AP4E1: variants seen among roughly 807,000 people sequenced by gnomAD.
AP4E1 encodes the protein adaptor related protein complex 4 subunit epsilon 1, also known as AP-4 complex subunit epsilon-1.
AP4E1 carries 56 observed loss-of-function variants against 128.2 expected under a neutral mutation model. The observed-to-expected ratio is 0.44, with a 90% CI of 0.35 to 0.55. AP4E1 has a LOEUF of 0.55. Among genes scored for constraint, AP4E1 ranks in the 20% least tolerant of loss-of-function variants. The probability of loss-of-function intolerance (pLI) is 0.00; values close to 1 mark genes in which losing one functional copy is unlikely to be tolerated. For missense variants in AP4E1, 1,324 were observed against 1,307.7 expected (o/e 1.01, Z -0.19); for synonymous variants, 484 against 473.1 (o/e 1.02, Z -0.30).
At position 50,968,381 on chromosome 15, in the gene AP4E1, A is replaced by G. The variant is rs1226512741; in HGVS notation, c.1966+4A>G. On this transcript the variant is annotated splice_donor_region_variant and intron_variant, in intron 15 of 20. Coordinates refer to ENST00000261842, the MANE Select transcript of AP4E1 (RefSeq NM_007347.5). ...GAAAAGCTTTCTCAGGAAAAAGGTAATTTTTCATGGATTTATGATAAGCTA... is the reference window on the plus strand; with the variant it reads ...GAAAAGCTTTCTCAGGAAAAAGGTAGTTTTTCATGGATTTATGATAAGCTA... 5 of 1,599,694 alleles carry G rather than the reference A, an allele frequency of 3.1e-6. No homozygotes were observed. In the African/African-American group the frequency reaches 6.7e-5, roughly 21 times the overall value.
Position 50,951,374 on chromosome 15 carries a change from G to A in AP4E1, c.1548+1205G>A, listed in dbSNP as rs148749622. Among the ~76,000 whole-genome samples, 3 of 152,300 alleles carry A rather than the reference G, an allele frequency of 2.0e-5. No individual in the cohort carries two copies. In the East Asian group the frequency reaches 5.8e-4, roughly 29 times the overall value. ...AGAGCTGCTTTCAGTTTCTTGCCAT[G>A]TGGCCTCCCAACAGGGCCGCCTGCT... On this transcript the variant is annotated intron_variant, in intron 13 of 20. Coordinates refer to ENST00000261842, the MANE Select transcript of AP4E1 (RefSeq NM_007347.5).
intron 15 of AP4E1, among the ~76,000 whole-genome samples, chr15:50,981,643 T>C (rs888840802): frequency 6.6e-6 from 1 of 152,188 alleles, no homozygotes; most frequent in African/African-American, 2.4e-5. Context: ...AATGCTATGG[T>C]GTGAATGTGT....
intron 3 of AP4E1, 137 bp from the exon 4 acceptor site, chr15:50,923,794 A>G: frequency 1.5e-6 from 1 of 680,302 alleles, no homozygotes; most frequent in Non-Finnish European, 2.6e-6. Context: ...AAGGTTTTTA[A>G]CCTTATATTT....
Position 51,001,168 on chromosome 15 carries a change from A to G in AP4E1, c.3238A>G (p.Ile1080Val), listed in dbSNP as rs767423538. The G allele has an allele frequency of 5.1e-5, 82 of 1,613,274 alleles. 2 individuals are homozygous for G. The South Asian group carries it at 8.2e-4, about 16-fold the overall frequency. ...TCTGCAACAGAAACTAAGACTCCAT[A>G]TTATTGAGATTATAGGTTTGTAGAG... ...KTLQQKLRLH[I>V]IEIIGNEGLL... Residue 1080 changes from isoleucine (I) to valine (V), a missense_variant, in exon 20 of 21, where the codon ATT (isoleucine) becomes GTT (valine). By Grantham distance (29) the Ile-to-Val change is conservative. Transcript: ENST00000261842.
At chr15:50,940,359 TCTTTC>T (rs2063968303) in intron 8 of AP4E1, among the ~76,000 whole-genome samples, 1 of 152,178 alleles carries the variant, frequency 6.6e-6, no homozygotes, top group South Asian at 2.1e-4. Context: ...TTTTGTCTTT[TCTTTC>T]CTTGTAAATT....
intron 16 of AP4E1, among the ~76,000 whole-genome samples, chr15:50,991,528 A>G (rs2064806596): frequency 6.6e-6 from 1 of 152,090 alleles, no homozygotes; most frequent in Non-Finnish European, 1.5e-5. Flanking sequence ...TTTTTGTCTA[A>G]GAGGTTTATT....
At chr15:50,967,095 C>G in intron 14 of AP4E1, among the ~76,000 whole-genome samples, 1 of 152,134 alleles carries the variant, frequency 6.6e-6, no homozygotes. Context: ...AAATTATTCT[C>G]CTAACGCTTT....
Position 51,003,866 on chromosome 15 carries a change from T to G in AP4E1, c.*1204T>G, listed in dbSNP as rs935892668. ...AGTTAATACTCTGGTTAATTGGTACTGTTAATCACCCAGGTCAGGAATTCT... is the reference window on the plus strand; with the variant it reads ...AGTTAATACTCTGGTTAATTGGTACGGTTAATCACCCAGGTCAGGAATTCT... On this transcript the variant is annotated 3_prime_UTR_variant, in exon 21 of 21. Coordinates refer to ENST00000261842, the MANE Select transcript of AP4E1 (RefSeq NM_007347.5). 13 of 152,650 alleles carry G rather than the reference T, an allele frequency of 8.5e-5. No individual in the cohort carries two copies. The highest frequency in any genetic ancestry group is 2.6e-4 in the Admixed American group (4 of 15,282). The allele number at this position is 152,650 out of a possible 1,614,324, so 9.5% of individuals were successfully genotyped here. A position where few individuals can be genotyped will look rare whatever the true frequency, so the allele number is the denominator to read the frequency against.
chr15:50,981,049 G>C (rs867769903), intron 15 of AP4E1, among the ~76,000 whole-genome samples: 6 of 152,292 alleles, frequency 3.9e-5, no homozygotes, highest in Middle Eastern at 3.4e-3. Flanking sequence ...ATCACAGAGA[G>C]TCCCCACCAG....
rs201935060 is a variant in AP4E1, at chr15:50,993,472, T to C, written c.2193T>C (p.Pro731=). 55 of 1,614,012 alleles carry C rather than the reference T, an allele frequency of 3.4e-5. 1 individual carries two copies. The highest frequency in any genetic ancestry group is 2.7e-4 in the African/African-American group (20 of 75,046). ...CTGGTGATGAAAGTGGAGCTCTGCC[T>C]GTTCCTCAAGAGAGTATAATGGAGA... ...SKTGDESGAL[P]VPQESIMENV... The change falls in exon 17 of 21, where the codon CCT becomes CCC. Residue 731 remains proline (P), a synonymous_variant. Coordinates refer to ENST00000261842, the MANE Select transcript of AP4E1 (RefSeq NM_007347.5).
At chr15:50,907,824 A>G (rs1400605695), upstream of AP4E1, among the ~76,000 whole-genome samples, 2 of 152,202 alleles carry the variant, frequency 1.3e-5, no homozygotes, top group African/African-American at 2.4e-5. Context: ...TCACCAGACC[A>G]CATTTCGAGA....
intron 15 of AP4E1, among the ~76,000 whole-genome samples, chr15:50,981,066 G>T (rs949462954): frequency 6.6e-6 from 1 of 152,198 alleles, no homozygotes; most frequent in African/African-American, 2.4e-5. Context: ...CCAGGGCAGT[G>T]CCTAGTGGAG....
chr15:50,959,509 AG>A (rs1206442545), intron 14 of AP4E1, among the ~76,000 whole-genome samples: 9 of 152,238 alleles, frequency 5.9e-5, no homozygotes, highest in African/African-American at 2.2e-4. Flanking sequence ...TTTCCCAGAC[AG>A]GTGAAACTGA....
At chr15:50,946,787 G>A (rs55683982) in intron 10 of AP4E1, among the ~76,000 whole-genome samples, 2,707 of 152,218 alleles carry the variant, frequency 0.018, 101 homozygotes, top group African/African-American at 0.062. Flanking sequence ...CTAGAGCTGT[G>A]GCAAGCCATG....
At chr15:50,955,510 C>G (rs1214353999) in intron 13 of AP4E1, among the ~76,000 whole-genome samples, 1 of 152,124 alleles carries the variant, frequency 6.6e-6, no homozygotes, top group South Asian at 2.1e-4. Flanking sequence ...TCTTCTATAT[C>G]CTTGCTGATT....
intron 16 of AP4E1, among the ~76,000 whole-genome samples, chr15:50,986,803 C>G (rs1476499565): frequency 3.3e-5 from 5 of 152,180 alleles, no homozygotes; most frequent in African/African-American, 4.8e-5. Context: ...GCTTTGGTAT[C>G]AGGATGATGC....
At chr15:50,959,544 A>C (rs895412860) in intron 14 of AP4E1, among the ~76,000 whole-genome samples, 5 of 152,164 alleles carry the variant, frequency 3.3e-5, no homozygotes, top group African/African-American at 1.2e-4. Context: ...CACTAGACCA[A>C]CCCTAAAAGA....
At chr15:50,977,325 A>C (rs2064565430) in intron 15 of AP4E1, among the ~76,000 whole-genome samples, 1 of 152,202 alleles carries the variant, frequency 6.6e-6, no homozygotes, top group African/African-American at 2.4e-5. Context: ...TTCTTAAAAT[A>C]AGCTAAATAG....
chr15:50,949,887 G>C lies in AP4E1; in HGVS notation c.1378G>C (p.Asp460His). ...TMNAVFSVGGDVMHPDIPNNF... is the reference protein window; with the variant it reads ...TMNAVFSVGGHVMHPDIPNNF... Reference sequence around the variant, plus strand: ...GAATGCTGTGTTTTCAGTAGGAGGAGATGTAATGCATCCTGATATTCCCAA... The same window carrying C: ...GAATGCTGTGTTTTCAGTAGGAGGACATGTAATGCATCCTGATATTCCCAA... The change falls in exon 12 of 21, where the codon GAT becomes CAT. Residue 460 changes from aspartate to histidine, a missense_variant. Coordinates refer to ENST00000261842, the MANE Select transcript of AP4E1 (RefSeq NM_007347.5). 6.2e-7 allele frequency: 1 copy of C among 1,613,782 alleles called. No individual in the cohort carries two copies. Among genetic ancestry groups the C allele is most frequent in the South Asian group, 1.1e-5 (1 of 91,074 alleles).
Sources: allele counts gnomAD v4.1 joint callset (sites outside exome capture counted in the v4.1 genomes callset), GRCh38; gene constraint gnomAD v4.1.1; transcripts MANE v1.5; gene names NCBI Gene and HGNC (gene_info 2026-07-23, HGNC 2026-07-21).